UBE3B: variants seen among roughly 807,000 people sequenced by gnomAD.
UBE3B encodes ubiquitin protein ligase E3B, also known as ubiquitin-protein ligase E3B.
UBE3B carries 80 observed loss-of-function variants against 132.3 expected under a neutral mutation model. The observed-to-expected ratio is 0.60, with a 90% CI of 0.50 to 0.73. UBE3B has a LOEUF of 0.73. Ranked by LOEUF, UBE3B falls within the 30% of genes least tolerant of loss-of-function variation. UBE3B has a pLI of 0.00. For synonymous variants in UBE3B, 487 were observed against 520.4 expected (o/e 0.94, Z 0.87); for missense variants, 1,196 against 1,362.5 (o/e 0.88, Z 1.92).
In UBE3B at chr12:109,530,555, C is replaced by A; in HGVS notation, c.2819C>A (p.Thr940Lys). 6.2e-7 allele frequency: 1 copy of A among 1,614,132 alleles called. No homozygotes were observed. Among genetic ancestry groups the A allele is most frequent in the Non-Finnish European group, 8.5e-7 (1 of 1,180,006 alleles). ...EIDLEDLKKH[T>K]VYYGGFHGSH... Reference sequence around the variant, plus strand: ...GTCTGTATTGCTTTCAGGAAGCACACAGTCTACTACGGTGGTTTCCATGGA... The same window carrying A: ...GTCTGTATTGCTTTCAGGAAGCACAAAGTCTACTACGGTGGTTTCCATGGA... The change falls in exon 26 of 28, where the codon ACA becomes AAA. Residue 940 changes from threonine (T) to lysine (K), a missense_variant. By Grantham distance (78) the Thr-to-Lys change is moderately conservative. Transcript: ENST00000342494.
rs753230600 is a variant in UBE3B at position 109,522,649 on chromosome 12, A to G, written c.2364+1098A>G. 6.6e-6 allele frequency among the ~76,000 whole-genome samples: 1 copy of G among 152,218 alleles called. No individual in the cohort carries two copies. The highest frequency in any genetic ancestry group is 2.4e-5 in the African/African-American group (1 of 41,470). Reference sequence around the variant, plus strand: ...AAGCTGAGAGGGAGGTCTCAGGGCCAAACTCCTTTCACTCTCGAATAATCC... The same window carrying G: ...AAGCTGAGAGGGAGGTCTCAGGGCCGAACTCCTTTCACTCTCGAATAATCC... On this transcript the variant is annotated intron_variant, in intron 21 of 27. Transcript: ENST00000342494. The surrounding 1 kb of genome is among the most constrained non-coding windows in gnomAD (Gnocchi z 4.2).
At position 109,535,352 on chromosome 12, in the gene UBE3B, G is replaced by A. The variant is rs1883336237; in HGVS notation, c.*570G>A. ...GCTGCCCAGGGAAGCGCAGGCGCCT[G>A]CTAGGGACGCTATGGACACCGTGAG... On this transcript the variant is annotated 3_prime_UTR_variant, in exon 28 of 28. Coordinates refer to ENST00000342494, the MANE Select transcript of UBE3B (RefSeq NM_130466.4). The A allele has an allele frequency of 6.6e-6, 1 of 152,266 alleles. No homozygotes were observed. The highest frequency in any genetic ancestry group is 2.4e-5 in the African/African-American group (1 of 41,454). 9.4% of individuals were successfully genotyped at this position (152,266 alleles called of 1,614,324 possible). A position where few individuals can be genotyped will look rare whatever the true frequency, so the allele number is the denominator to read the frequency against.
chr12:109,515,468 C>G (rs1009289996), intron 18 of UBE3B, among the ~76,000 whole-genome samples: 1 of 152,072 alleles, frequency 6.6e-6, no homozygotes, highest in East Asian at 1.9e-4. Flanking sequence ...CTCCCAAGTT[C>G]AAGCGATTCT....
rs758250458 is a variant in UBE3B at position 109,497,835 on chromosome 12, A to G, written c.731A>G (p.Gln244Arg). 3 of 1,614,198 alleles carry G rather than the reference A, an allele frequency of 1.9e-6. No individual in the cohort carries two copies. The highest frequency in any genetic ancestry group is 1.7e-6 in the Non-Finnish European group (2 of 1,180,040). Residue 244 changes from glutamine (Q) to arginine (R), a missense_variant, in exon 10 of 28, where the codon CAG becomes CGG. Gln to Arg is a conservative substitution (Grantham distance 43). Transcript: ENST00000342494. ...SLALRPVIAA[Q>R]FSDNLIRPFL... The stretch of plus-strand genomic sequence containing the variant: ...GTGTCTAGCCCTGTGATTGCTGCAC[A>G]GTTCTCAGACAATCTGATTCGGCCG...
intron 4 of UBE3B, 100 bp downstream of exon 4, chr12:109,484,081 T>A: frequency 7.9e-7 from 1 of 1,258,970 alleles, no homozygotes; most frequent in African/African-American, 1.5e-5. Flanking sequence ...ATGAGGTAAT[T>A]ACTGTCACCC....
chr12:109,482,019 T>TG (rs1341178696), intron 2 of UBE3B, among the ~76,000 whole-genome samples: 1 of 152,170 alleles, frequency 6.6e-6, no homozygotes, highest in Non-Finnish European at 1.5e-5. Context: ...GTTCATGTGG[T>TG]GGGAGGCTTG....
chr12:109,523,515 C>T (rs1342850838), intron 21 of UBE3B, among the ~76,000 whole-genome samples: 2 of 152,220 alleles, frequency 1.3e-5, no homozygotes, highest in Non-Finnish European at 2.9e-5. Context: ...CTCCTTTAGG[C>T]CTCACTTAGC....
In UBE3B at chr12:109,486,584, A is replaced by C. The variant is rs1384300560; in HGVS notation, c.447+9A>C. 1.0e-4 allele frequency: 97 copies of C among 945,708 alleles called. No homozygotes were observed. The highest frequency in any genetic ancestry group is 9.6e-5 in the Non-Finnish European group (67 of 697,578). The allele number at this position is 945,708 out of a possible 1,614,324, so 58.6% of individuals were successfully genotyped here. On this transcript the variant is annotated intron_variant, in intron 6 of 27. Coordinates refer to ENST00000342494, the MANE Select transcript of UBE3B (RefSeq NM_130466.4). ...TTCTCAAGCAGCTCAAGGTAACAAAAAAAAAAAAAAAAAAAAAAAGCAAAA... is the reference window on the plus strand; with the variant it reads ...TTCTCAAGCAGCTCAAGGTAACAAACAAAAAAAAAAAAAAAAAAAGCAAAA...
rs960302564 is a variant in UBE3B at position 109,522,957 on chromosome 12, C to T, written c.2365-1021C>T. Among the ~76,000 whole-genome samples, 1 of 152,238 alleles carries T rather than the reference C, an allele frequency of 6.6e-6. No individual in the cohort carries two copies. The highest frequency in any genetic ancestry group is 1.5e-5 in the Non-Finnish European group (1 of 68,042). On this transcript the variant is annotated intron_variant, in intron 21 of 27. Transcript: ENST00000342494. This position sits in a 1 kb window ranked among gnomAD's most constrained non-coding sequence, Gnocchi z 4.2. ...TTAAACACGTTGCTGTGATGACACTCAGAAGAGCCTGGGCCACCTGGAAAG... is the reference window on the plus strand; with the variant it reads ...TTAAACACGTTGCTGTGATGACACTTAGAAGAGCCTGGGCCACCTGGAAAG...
At position 109,498,496 on chromosome 12, in the gene UBE3B, A is replaced by G. The variant is rs878928141; in HGVS notation, c.940+143A>G. 31 of 947,270 alleles carry G rather than the reference A, an allele frequency of 3.3e-5. 1 individual carries two copies. The South Asian group carries it at 5.4e-4, about 17-fold the overall frequency. 58.7% of individuals were successfully genotyped at this position (947,270 alleles called of 1,614,324 possible). On this transcript the variant is annotated intron_variant, in intron 11 of 27. Transcript: ENST00000342494. ...ATAAAAAACACGTATTTAGATAGAC[A>G]GTTAAAATAGACATGTAAATAAAAA... is the stretch of plus-strand genomic sequence containing the variant.
intron 21 of UBE3B, among the ~76,000 whole-genome samples, chr12:109,523,396 A>G (rs1313695355): frequency 6.6e-6 from 1 of 152,226 alleles, no homozygotes; most frequent in East Asian, 1.9e-4. Context: ...AGCAAGGCTT[A>G]CGGGCCCTCC....
In UBE3B at chr12:109,499,762, C is replaced by T. The variant is rs746977582; in HGVS notation, c.1070C>T (p.Thr357Ile). Residue 357 changes from threonine (T) to isoleucine (I), a missense_variant, in exon 12 of 28, where the codon ACC becomes ATC. Physicochemically the swap from Thr to Ile is moderately conservative, Grantham distance 89. Transcript: ENST00000342494. ...GTGTCTCAGAAGAAGTCCAACCTGACCCACTGGCATCCTGTCCTTGGCTGG... is the reference window on the plus strand; with the variant it reads ...GTGTCTCAGAAGAAGTCCAACCTGATCCACTGGCATCCTGTCCTTGGCTGG... ...KYVSQKKSNL[T>I]HWHPVLGWFS... 2 of 1,611,342 alleles carry T rather than the reference C, an allele frequency of 1.2e-6. No individual in the cohort carries two copies. Among genetic ancestry groups the T allele is most frequent in the Non-Finnish European group, 1.7e-6 (2 of 1,178,544 alleles).
chr12:109,504,605 G>A (rs1382777328), intron 14 of UBE3B, among the ~76,000 whole-genome samples: 1 of 152,186 alleles, frequency 6.6e-6, no homozygotes, highest in African/African-American at 2.4e-5. Context: ...GGCCTGCTGG[G>A]CATGCTGGCA....
chr12:109,511,120 C>A, intron 17 of UBE3B, 84 bp from the exon 18 acceptor site: 1 of 1,214,302 alleles, frequency 8.2e-7, no homozygotes, highest in Non-Finnish European at 1.2e-6. Flanking sequence ...CTGCATGTGG[C>A]CCACATGGTG....
intron 16 of UBE3B, 97 bp from the exon 17 acceptor site, chr12:109,510,247 C>G: frequency 1.0e-6 from 1 of 968,914 alleles, no homozygotes; most frequent in Non-Finnish European, 1.6e-6. Flanking sequence ...CGAGGGAGAT[C>G]AAGGACTTGA....
chr12:109,498,242 G>A lies in UBE3B; in HGVS notation c.829G>A (p.Val277Ile), dbSNP rs1244851049. Residue 277 changes from valine to isoleucine, a missense_variant, in exon 11 of 28, where the codon GTT becomes ATT. By Grantham distance (29) the Val-to-Ile change is conservative (BLOSUM62 3). Coordinates refer to ENST00000342494, the MANE Select transcript of UBE3B (RefSeq NM_130466.4). ...CTGCTATTCTTTGCAGCGCCTCACT[G>A]TTTTAGAATCCCATGACATGCTTCG... ...LSTVTPERLTVLESHDMLRKF... is the reference protein window; with the variant it reads ...LSTVTPERLTILESHDMLRKF... 1 of 1,614,046 alleles carries A rather than the reference G, an allele frequency of 6.2e-7. No individual in the cohort carries two copies. Among genetic ancestry groups the A allele is most frequent in the Non-Finnish European group, 8.5e-7 (1 of 1,179,988 alleles).
chr12:109,544,955 T>C, the UBE3B span, among the ~76,000 whole-genome samples: 1 of 152,208 alleles, frequency 6.6e-6, no homozygotes, highest in African/African-American at 2.4e-5. Flanking sequence ...CTCCTTCTTA[T>C]AGGTGAGGCT....
chr12:109,499,804 A>C lies in UBE3B; in HGVS notation c.1112A>C (p.Asp371Ala), dbSNP rs1358737756. Residue 371 changes from aspartate (D) to alanine (A), a missense_variant, in exon 12 of 28, where the codon GAT becomes GCT. Transcript: ENST00000342494. ...PVLGWFSQSVDYGLNESMHLI... is the reference protein window; with the variant it reads ...PVLGWFSQSVAYGLNESMHLI... ...CTTGGCTGGTTCTCCCAATCTGTGG[A>C]TTATGGGTGAGTCCCAGATGCAAAT... is the stretch of plus-strand genomic sequence containing the variant. 1 of 1,602,202 alleles carries C rather than the reference A, an allele frequency of 6.2e-7. No homozygotes were observed. Among genetic ancestry groups the C allele is most frequent in the South Asian group, 1.1e-5 (1 of 89,824 alleles).
Position 109,525,999 on chromosome 12 carries a change from C to T in UBE3B, c.2569-359C>T, listed in dbSNP as rs180762690. Among the ~76,000 whole-genome samples, 156 of 152,268 alleles carry T rather than the reference C, an allele frequency of 1.0e-3. 1 individual carries two copies. The highest frequency in any genetic ancestry group is 5.1e-4 in the Non-Finnish European group (35 of 68,036). On this transcript the variant is annotated intron_variant, in intron 23 of 27. Transcript: ENST00000342494. ...TTTTTTCACCTTTTTAGTAAACGCA[C>T]ATTTTCATCATATTGTTTAGTACCT...
Sources: gnomAD v4.1 joint callset for allele counts (sites outside exome capture counted in the v4.1 genomes callset) on GRCh38, gnomAD v4.1.1 for gene constraint, Gnocchi (gnomAD v3.1) non-coding constraint, MANE v1.5 for transcripts, NCBI Gene and HGNC (gene_info 2026-07-23, HGNC 2026-07-21) for gene names.